The following CDH22 variants were observed in gnomAD, a reference collection of about 807,000 sequenced individuals.
CDH22 encodes the protein cadherin 22.
In CDH22, 30 loss-of-function variants were observed where a neutral mutation model predicts 58.4. That is an observed-to-expected ratio of 0.51 (90% confidence interval 0.38 to 0.70). The LOEUF is 0.70. Among genes scored for constraint, CDH22 ranks in the 30% least tolerant of loss-of-function variants. The pLI, the probability that CDH22 is intolerant of heterozygous loss-of-function variation, is 0.00. For synonymous variants in CDH22, 513 were observed against 558.2 expected, an observed-to-expected ratio of 0.92 and a Z score of 1.14; for missense variants, 1,014 against 1,233.9, an observed-to-expected ratio of 0.82 and a Z score of 2.67.
chr20:46,294,872 T>C (rs2086621609), intron 1 of CDH22, among the ~76,000 whole-genome samples: 1 of 152,232 alleles, frequency 6.6e-6, no homozygotes, highest in Non-Finnish European at 1.5e-5. Context: ...TCTGACCCAC[T>C]GCACCTTCCC....
chr20:46,283,722 C>T (rs1285072381), intron 1 of CDH22, among the ~76,000 whole-genome samples: 2 of 151,936 alleles, frequency 1.3e-5, no homozygotes, highest in Non-Finnish European at 2.9e-5. Flanking sequence ...CCACCCCCAC[C>T]GCCATCACCA....
intron 1 of CDH22, among the ~76,000 whole-genome samples, chr20:46,304,002 G>A (rs976190127): frequency 5.3e-5 from 8 of 152,140 alleles, no homozygotes; most frequent in East Asian, 1.9e-4. Context: ...AAGGGATCGC[G>A]AGATGGATGA....
intron 10 of CDH22, among the ~76,000 whole-genome samples, chr20:46,182,135 C>T: frequency 6.6e-6 from 1 of 152,090 alleles, no homozygotes; most frequent in East Asian, 1.9e-4. Flanking sequence ...GGATAATTTT[C>T]TTAAAAGCAA....
rs538141082 is a variant in CDH22 at position 46,297,473 on chromosome 20, G to A, written c.-400+10782C>T. ...GTTAGAGCTTTCACAGGGGGTGCAG[G>A]AGCTCTGTGGAGATTCTGGGGAATT... On this transcript the variant is annotated intron_variant, in intron 1 of 11. Transcript: ENST00000537909. 1.9e-3 allele frequency among the ~76,000 whole-genome samples: 288 copies of A among 151,954 alleles called. 1 individual carries two copies. Among genetic ancestry groups the A allele is most frequent in the African/African-American group, 6.8e-3 (281 of 41,440 alleles).
chr20:46,185,705 A>G (rs1005994518), intron 10 of CDH22, among the ~76,000 whole-genome samples: 3 of 151,842 alleles, frequency 2.0e-5, no homozygotes, highest in African/African-American at 7.3e-5. Flanking sequence ...CCATTTCTAC[A>G]AAAAATAAAA....
chr20:46,186,553 C>T (rs1275938102), intron 10 of CDH22, 35 bp downstream of exon 10: 3 of 1,425,230 alleles, frequency 2.1e-6, no homozygotes, highest in South Asian at 2.3e-5. Context: ...AGACTGTGCC[C>T]CTCCCTTCTT....
chr20:46,282,107 A>C (rs1316481606), intron 1 of CDH22, among the ~76,000 whole-genome samples: 3 of 152,262 alleles, frequency 2.0e-5, no homozygotes, highest in Non-Finnish European at 4.4e-5. Context: ...ACCGATACTG[A>C]TGAGTCTGAT....
chr20:46,251,989 C>G lies in CDH22; in HGVS notation c.-399-296G>C, dbSNP rs1001974674. On this transcript the variant is annotated intron_variant, in intron 1 of 11. Coordinates refer to ENST00000537909, the MANE Select transcript of CDH22 (RefSeq NM_021248.3). The surrounding 1 kb of genome is among the most constrained non-coding windows in gnomAD (Gnocchi z 6.7). Reference sequence around the variant, plus strand: ...GCCCCGCTCAGCCCTCATGCCCACACAAGGAGAGACCCTAGTAGGCGGTGC... The same window carrying G: ...GCCCCGCTCAGCCCTCATGCCCACAGAAGGAGAGACCCTAGTAGGCGGTGC... Among the ~76,000 whole-genome samples, 12 of 152,048 alleles carry G rather than the reference C, an allele frequency of 7.9e-5. No individual in the cohort carries two copies. The highest frequency in any genetic ancestry group is 4.4e-5 in the Non-Finnish European group (3 of 67,986).
intron 1 of CDH22, among the ~76,000 whole-genome samples, chr20:46,292,782 T>C (rs1471334551): frequency 6.6e-6 from 1 of 152,218 alleles, no homozygotes; most frequent in Non-Finnish European, 1.5e-5. Context: ...ATTATCCACC[T>C]GGAGAACTAT....
chr20:46,214,821 G>A (rs988730896), intron 5 of CDH22, among the ~76,000 whole-genome samples: 13 of 152,214 alleles, frequency 8.5e-5, no homozygotes, highest in Non-Finnish European at 1.3e-4. Context: ...GAATTACTGC[G>A]TTTTTACTCT....
chr20:46,283,396 C>T (rs944107758), intron 1 of CDH22, among the ~76,000 whole-genome samples: 4 of 152,154 alleles, frequency 2.6e-5, no homozygotes, highest in African/African-American at 4.8e-5. Context: ...CTTTCCCATC[C>T]GTACACTGCA....
chr20:46,226,561 G>C lies in CDH22; in HGVS notation c.670+947C>G, dbSNP rs899463922. Among the ~76,000 whole-genome samples the C allele has an allele frequency of 1.2e-4, 19 of 152,062 alleles. No homozygotes were observed. In the South Asian group the frequency reaches 4.0e-3, roughly 32 times the overall value. ...GCCTCCCAAAGTCCTGGGATCACAG[G>C]GGTGAGCCACTGCACCCGCAGACAC... On this transcript the variant is annotated intron_variant, in intron 4 of 11. Transcript: ENST00000537909.
At chr20:46,271,609 C>T (rs2086489509) in intron 1 of CDH22, among the ~76,000 whole-genome samples, 1 of 152,146 alleles carries the variant, frequency 6.6e-6, no homozygotes, top group South Asian at 2.1e-4. Flanking sequence ...AGATGGCTTA[C>T]TAAGGTCACC....
chr20:46,234,088 G>A (rs1385674403), intron 3 of CDH22, among the ~76,000 whole-genome samples: 2 of 152,134 alleles, frequency 1.3e-5, no homozygotes, highest in African/African-American at 2.4e-5. Context: ...CCCAAGCACC[G>A]AATTTAAGAA....
chr20:46,209,943 G>A (rs2086027849), intron 7 of CDH22: 1 of 222,650 alleles, frequency 4.5e-6, no homozygotes, highest in Admixed American at 5.8e-5. Flanking sequence ...GAGAAGACTG[G>A]GGGAGTCCTG....
At chr20:46,183,844 A>G (rs1367769805) in intron 10 of CDH22, among the ~76,000 whole-genome samples, 1 of 152,134 alleles carries the variant, frequency 6.6e-6, no homozygotes, top group Non-Finnish European at 1.5e-5. Context: ...AGGAACCCAC[A>G]TGATCTGGCC....
chr20:46,249,024 C>T (rs1002804391), intron 2 of CDH22, among the ~76,000 whole-genome samples: 2 of 152,332 alleles, frequency 1.3e-5, no homozygotes, highest in East Asian at 3.9e-4. Context: ...AACAAACAAA[C>T]AAGCCACAGG....
intron 10 of CDH22, among the ~76,000 whole-genome samples, chr20:46,181,716 T>C (rs866494009): frequency 5.9e-4 from 26 of 44,322 alleles, no homozygotes; most frequent in African/African-American, 2.4e-3. Flanking sequence ...TCTTTCTTTT[T>C]TTCCTTCCTT....
intron 1 of CDH22, among the ~76,000 whole-genome samples, chr20:46,281,345 G>T (rs148730926): frequency 2.8e-4 from 42 of 152,318 alleles, no homozygotes; most frequent in African/African-American, 9.9e-4. Flanking sequence ...ACTGGAGGAG[G>T]CCAGGGAAGA....
Sources: gnomAD v4.1 joint callset for allele counts (sites outside exome capture counted in the v4.1 genomes callset) on GRCh38, gnomAD v4.1.1 for gene constraint, Gnocchi (gnomAD v3.1) non-coding constraint, MANE v1.5 for transcripts, NCBI Gene and HGNC (gene_info 2026-07-23, HGNC 2026-07-21) for gene names.